Variants in ARL15 observed in about 807,000 individuals in gnomAD.
The protein encoded by ARL15 is ARF like GTPase 15, also known as ADP-ribosylation factor-like protein 15.
ARL15 carries 19 observed loss-of-function variants against 25.2 expected under a neutral mutation model. The observed-to-expected ratio is 0.75, with a 90% CI of 0.53 to 1.10. The LOEUF is 1.10. Ranked by LOEUF, ARL15 falls within the 50% of genes least tolerant of loss-of-function variation. ARL15 has a pLI of 0.00. For missense variants in ARL15, 220 were observed against 246.0 expected, an observed-to-expected ratio of 0.89 and a Z score of 0.71; for synonymous variants, 94 against 86.8, an observed-to-expected ratio of 1.08 and a Z score of -0.46.
intron 4 of ARL15, among the ~76,000 whole-genome samples, chr5:53,936,725 T>C (rs1746358867): frequency 6.6e-6 from 1 of 152,218 alleles, no homozygotes; most frequent in African/African-American, 2.4e-5. Context: ...TCCAGTTTTC[T>C]CATTTTTTTG....
At chr5:54,259,182 C>T (rs1484294632) in intron 1 of ARL15, among the ~76,000 whole-genome samples, 1 of 152,128 alleles carries the variant, frequency 6.6e-6, no homozygotes, top group Non-Finnish European at 1.5e-5. Context: ...CTGGGGTCAA[C>T]CATGGGCACT....
chr5:54,126,821 T>C (rs1016459094), intron 3 of ARL15, among the ~76,000 whole-genome samples: 5 of 152,020 alleles, frequency 3.3e-5, no homozygotes, highest in Non-Finnish European at 7.4e-5. Flanking sequence ...TTTTTTTAAA[T>C]TTTTGTATTT....
chr5:54,096,625 G>A (rs768232385), intron 4 of ARL15, among the ~76,000 whole-genome samples: 7 of 152,106 alleles, frequency 4.6e-5, no homozygotes, highest in African/African-American at 1.7e-4. Context: ...TGGCCAGGTT[G>A]GTCTCAAACT....
At chr5:53,966,438 T>C (rs1262303898) in intron 4 of ARL15, among the ~76,000 whole-genome samples, 1 of 152,206 alleles carries the variant, frequency 6.6e-6, no homozygotes, top group Non-Finnish European at 1.5e-5. Context: ...CTGAGTTCTG[T>C]GTGCTGCTCC....
At chr5:54,170,322 C>T (rs1375996355) in intron 2 of ARL15, among the ~76,000 whole-genome samples, 4 of 152,204 alleles carry the variant, frequency 2.6e-5, no homozygotes, top group Non-Finnish European at 4.4e-5. Flanking sequence ...CCTCCGCCTC[C>T]AACTGCGCTA....
chr5:53,972,053 G>A (rs1169877196), intron 4 of ARL15, among the ~76,000 whole-genome samples: 1 of 152,076 alleles, frequency 6.6e-6, no homozygotes, highest in African/African-American at 2.4e-5. Context: ...TTATCCGTAA[G>A]TTTTTGACTG....
intron 1 of ARL15, among the ~76,000 whole-genome samples, chr5:54,309,539 G>C (rs1247071638): frequency 6.6e-6 from 1 of 152,174 alleles, no homozygotes; most frequent in Non-Finnish European, 1.5e-5. Context: ...CTTCAACTCT[G>C]CATGGCAATA....
At chr5:54,168,435 C>G (rs1264230985) in intron 2 of ARL15, among the ~76,000 whole-genome samples, 3 of 151,528 alleles carry the variant, frequency 2.0e-5, no homozygotes, top group Non-Finnish European at 4.4e-5. Context: ...AAACATAAAG[C>G]TATAAACTTG....
At chr5:54,103,328 T>C (rs1752494193) in intron 4 of ARL15, among the ~76,000 whole-genome samples, 2 of 152,142 alleles carry the variant, frequency 1.3e-5, no homozygotes, top group South Asian at 4.1e-4. Context: ...CAAAATGAGA[T>C]ATTTTTCTTC....
At chr5:54,166,389 G>T (rs1237137896) in intron 2 of ARL15, among the ~76,000 whole-genome samples, 2 of 151,876 alleles carry the variant, frequency 1.3e-5, no homozygotes, top group East Asian at 3.9e-4. Context: ...TTGTAGAGAT[G>T]GGGGTCTTAC....
chr5:53,920,248 C>A (rs1745802531), intron 4 of ARL15, among the ~76,000 whole-genome samples: 1 of 152,034 alleles, frequency 6.6e-6, no homozygotes, highest in Non-Finnish European at 1.5e-5. Context: ...AGAAACTTTT[C>A]CCCCATATAT....
intron 1 of ARL15, among the ~76,000 whole-genome samples, chr5:54,204,933 C>CTTTTTTTTT (rs5867921): frequency 1.4e-5 from 2 of 138,178 alleles, no homozygotes; most frequent in African/African-American, 2.7e-5. Context: ...ATTCCCTTGC[C>CTTTTTTTTT]TTTTTTTTTT....
intron 1 of ARL15, among the ~76,000 whole-genome samples, chr5:54,275,847 G>A (rs1156924298): frequency 1.5e-5 from 2 of 130,166 alleles, no homozygotes; most frequent in Admixed American, 7.6e-5. Context: ...ACCACGCCTG[G>A]CTAATTTTTT....
chr5:54,173,455 G>A (rs190372044), intron 1 of ARL15, among the ~76,000 whole-genome samples: 81 of 152,258 alleles, frequency 5.3e-4, no homozygotes, highest in Non-Finnish European at 1.0e-3. Flanking sequence ...AAAAAAGCCT[G>A]TGTTGATTCA....
intron 1 of ARL15, among the ~76,000 whole-genome samples, chr5:54,200,174 C>T (rs1161320517): frequency 3.3e-5 from 5 of 149,686 alleles, no homozygotes; most frequent in African/African-American, 7.4e-5. Flanking sequence ...GGGATAGCAC[C>T]AGGAGATATA....
At chr5:54,096,450 G>A (rs565162356) in intron 4 of ARL15, among the ~76,000 whole-genome samples, 41 of 152,256 alleles carry the variant, frequency 2.7e-4, no homozygotes, top group Non-Finnish European at 4.1e-4. Context: ...GTCTTGTCCC[G>A]TCACCCAGGC....
chr5:54,217,173 A>G (rs918283946), intron 1 of ARL15, among the ~76,000 whole-genome samples: 9 of 149,938 alleles, frequency 6.0e-5, no homozygotes, highest in Non-Finnish European at 1.3e-4. Flanking sequence ...ATCTTTTCCA[A>G]TGGAATTTTA....
intron 1 of ARL15, 182 bp downstream of exon 1, chr5:54,310,250 C>A: frequency 1.6e-6 from 1 of 640,850 alleles, no homozygotes; most frequent in East Asian, 2.9e-5. Context: ...CTCCACCACC[C>A]ACCCGCCCTG....
In ARL15 at chr5:54,076,143, G is replaced by A. The variant is rs1472459684; in HGVS notation, c.462+37059C>T. On this transcript the variant is annotated intron_variant, in intron 4 of 4. Coordinates refer to ENST00000504924, the MANE Select transcript of ARL15 (RefSeq NM_019087.3). ...GAAATCAGGATAATATAGGCCAGGC[G>A]CGGTGGCTCACGGCTGTAATCCCAG... 2.6e-5 allele frequency among the ~76,000 whole-genome samples: 4 copies of A among 152,072 alleles called. No individual in the cohort carries two copies. The East Asian group carries it at 5.8e-4, about 22-fold the overall frequency.
Sources: allele counts gnomAD v4.1 joint callset (sites outside exome capture counted in the v4.1 genomes callset), GRCh38; gene constraint gnomAD v4.1.1; transcripts MANE v1.5; gene names NCBI Gene and HGNC (gene_info 2026-07-23, HGNC 2026-07-21).